The following CPVL variants were observed in gnomAD, a reference collection of about 807,000 sequenced individuals.
CPVL encodes carboxypeptidase vitellogenic like.
A neutral mutation model predicts 63.7 loss-of-function variants in CPVL; 51 were observed. The ratio of observed to expected loss-of-function variants is 0.80; its 90% CI spans 0.64 to 1.01. CPVL has a LOEUF of 1.01. CPVL is among the 50% of genes least tolerant of loss of function. The pLI is 0.00. For missense variants in CPVL, 530 were observed against 573.1 expected (o/e 0.92, Z 0.77); for synonymous variants, 195 against 206.0 (o/e 0.95, Z 0.46).
chr7:29,109,728 C>T (rs1284030798), intron 3 of CPVL, among the ~76,000 whole-genome samples: 1 of 152,190 alleles, frequency 6.6e-6, no homozygotes, highest in Non-Finnish European at 1.5e-5. Context: ...ACCATGTACA[C>T]TTAAAGACAT....
chr7:29,183,820 CTA>C (rs1252135117), intron 4 of CPVL, among the ~76,000 whole-genome samples: 4 of 152,072 alleles, frequency 2.6e-5, no homozygotes, highest in Non-Finnish European at 2.9e-5. Flanking sequence ...AGTCAGCTCT[CTA>C]TATTTGTAGA....
chr7:29,141,082 T>C (rs1003103928), intron 1 of CPVL, among the ~76,000 whole-genome samples: 15 of 152,290 alleles, frequency 9.8e-5, no homozygotes, highest in South Asian at 2.1e-4. Context: ...ATCCTGCCAA[T>C]TGTGCAACAA....
chr7:29,061,389 A>G (rs1470744759), intron 11 of CPVL, among the ~76,000 whole-genome samples: 2 of 152,130 alleles, frequency 1.3e-5, no homozygotes, highest in Non-Finnish European at 2.9e-5. Context: ...TTCCAGCCTG[A>G]GCAACAGAGT....
intron 11 of CPVL, among the ~76,000 whole-genome samples, chr7:29,032,184 G>A (rs1345285095): frequency 6.6e-6 from 1 of 152,046 alleles, no homozygotes; most frequent in East Asian, 1.9e-4. Flanking sequence ...CACTGCATAA[G>A]TTTCCGTCTT....
Position 29,071,128 on chromosome 7 carries a change from C to A in CPVL, c.864+645G>T, listed in dbSNP as rs375527690. ...AAAAAGCAAAAAAAAACAAAAAAAA[C>A]CCAACTTCCTGTATCCTAATATTTA... On this transcript the variant is annotated intron_variant, in intron 9 of 12. Transcript: ENST00000265394. Among the ~76,000 whole-genome samples, 72 of 151,684 alleles carry A rather than the reference C, an allele frequency of 4.7e-4. No homozygotes were observed. The Middle Eastern group carries it at 0.017, about 36-fold the overall frequency.
intron 12 of CPVL, among the ~76,000 whole-genome samples, chr7:29,028,984 A>G (rs913856660): frequency 9.3e-5 from 14 of 151,152 alleles, no homozygotes; most frequent in Non-Finnish European, 1.6e-4. Context: ...AAAAAAAAAA[A>G]GTGAGAAAAG....
chr7:29,186,026 G>A (rs1011478998), intron 2 of CPVL, among the ~76,000 whole-genome samples: 1 of 152,202 alleles, frequency 6.6e-6, no homozygotes, highest in African/African-American at 2.4e-5. Flanking sequence ...GTTTGAGTAA[G>A]TTTAAGAAGT....
intron 5 of CPVL, among the ~76,000 whole-genome samples, chr7:29,177,329 C>T (rs1339831584): frequency 6.6e-6 from 1 of 152,064 alleles, no homozygotes; most frequent in Non-Finnish European, 1.5e-5. Context: ...TCTCTGCTCA[C>T]TGCAACCTCT....
chr7:29,086,123 C>T (rs1198122890), intron 7 of CPVL, among the ~76,000 whole-genome samples: 1 of 152,094 alleles, frequency 6.6e-6, no homozygotes, highest in Non-Finnish European at 1.5e-5. Context: ...GAAACCCCAT[C>T]TCTACTAAAA....
chr7:29,096,683 T>C (rs1295897599), intron 3 of CPVL, among the ~76,000 whole-genome samples: 1 of 152,098 alleles, frequency 6.6e-6, no homozygotes, highest in Non-Finnish European at 1.5e-5. Flanking sequence ...CTGATTTTAC[T>C]CACTAAGAAC....
At chr7:29,030,539 C>G in intron 12 of CPVL, 38 bp downstream of exon 12, 1 of 1,585,480 alleles carries the variant, frequency 6.3e-7, no homozygotes, top group Non-Finnish European at 8.6e-7. Context: ...CCCGCTCTCC[C>G]ATTCCCACAA....
At chr7:29,121,147 CATTT>C (rs1464025308) in intron 1 of CPVL, 76 bp from the exon 2 acceptor site, 22 of 1,341,330 alleles carry the variant, frequency 1.6e-5, no homozygotes, top group Non-Finnish European at 2.2e-5. Context: ...GCAAGAAATT[CATTT>C]ATTCACTTAA....
chr7:29,193,925 G>A (rs1209966531), intron 1 of CPVL: 2 of 152,250 alleles, frequency 1.3e-5, no homozygotes, highest in Non-Finnish European at 2.9e-5. Flanking sequence ...TCCGTGGCTG[G>A]GTTACTTAAG....
intron 5 of CPVL, among the ~76,000 whole-genome samples, chr7:29,160,320 C>G (rs1240476869): frequency 3.3e-5 from 5 of 152,176 alleles, no homozygotes; most frequent in African/African-American, 9.7e-5. Context: ...TTATCTGATT[C>G]CCTGATGTTC....
chr7:29,173,202 T>C (rs1410282151), intron 5 of CPVL, among the ~76,000 whole-genome samples: 1 of 150,810 alleles, frequency 6.6e-6, no homozygotes, highest in African/African-American at 2.4e-5. Flanking sequence ...CCTAAGCTTA[T>C]AGGAAAGTCA....
intron 5 of CPVL, among the ~76,000 whole-genome samples, chr7:29,162,661 C>CAA (rs35159645): frequency 1.2e-4 from 7 of 58,308 alleles, no homozygotes; most frequent in Non-Finnish European, 1.8e-4. Flanking sequence ...AACTCCATCT[C>CAA]AAAAAAAAAA....
In CPVL at chr7:29,066,111, T is replaced by C. The variant is rs764805103; in HGVS notation, c.875A>G (p.Lys292Arg). The C allele has an allele frequency of 1.9e-6, 3 of 1,570,780 alleles. No homozygotes were observed. Among genetic ancestry groups the C allele is most frequent in the Admixed American group, 1.7e-5 (1 of 59,042 alleles). Reference protein sequence around the residue: ...NWFEAFEILDKLLDGDLTSDP... With the variant: ...NWFEAFEILDRLLDGDLTSDP... Reference sequence around the variant, plus strand: ...ACTTGTTAAGTCGCCATCTAGTAGTTTATCCAGTATCTAGGTTGGGAGAGA... The same window carrying C: ...ACTTGTTAAGTCGCCATCTAGTAGTCTATCCAGTATCTAGGTTGGGAGAGA... Residue 292 changes from lysine to arginine, a missense_variant, in exon 10 of 13, where the codon AAA becomes AGA. Lys to Arg is a conservative substitution (Grantham distance 26). Transcript: ENST00000265394.
intron 1 of CPVL, among the ~76,000 whole-genome samples, chr7:29,141,772 A>G (rs1584383355): frequency 1.3e-5 from 2 of 150,716 alleles, no homozygotes; most frequent in East Asian, 4.0e-4. Flanking sequence ...AAAATTAGCC[A>G]GGCGTGGGGG....
intron 1 of CPVL, chr7:29,192,351 A>T (rs1388175386): frequency 1.3e-5 from 2 of 152,194 alleles, no homozygotes; most frequent in African/African-American, 4.8e-5. Context: ...GCCATGCTTT[A>T]CTTTCTCCAG....
Sources: allele counts gnomAD v4.1 joint callset (sites outside exome capture counted in the v4.1 genomes callset), GRCh38; gene constraint gnomAD v4.1.1; transcripts MANE v1.5; gene names NCBI Gene and HGNC (gene_info 2026-07-23, HGNC 2026-07-21).